The following ZDHHC24 variants were observed in gnomAD, a reference collection of about 807,000 sequenced individuals.
ZDHHC24 encodes zDHHC palmitoyltransferase 24.
ZDHHC24 carries 17 observed loss-of-function variants against 23.2 expected under a neutral mutation model. The observed-to-expected ratio is 0.73, with a 90% CI of 0.50 to 1.10. The LOEUF (loss-of-function observed/expected upper bound fraction) is 1.10, where lower values mean the gene tolerates loss of function less well. Ranked by LOEUF, ZDHHC24 falls within the 50% of genes least tolerant of loss-of-function variation. The probability of loss-of-function intolerance (pLI) is 0.00; values close to 1 mark genes in which losing one functional copy is unlikely to be tolerated. For synonymous variants in ZDHHC24, 186 were observed against 194.5 expected (o/e 0.96, Z 0.36); for missense variants, 366 against 393.0 (o/e 0.93, Z 0.58).
chr11:66,525,116 C>T (rs552206053), intron 4 of ZDHHC24, among the ~76,000 whole-genome samples: 69 of 151,288 alleles, frequency 4.6e-4, no homozygotes, highest in Non-Finnish European at 7.4e-4. Context: ...AGGAGAATGG[C>T]GTGAACCTGG....
chr11:66,522,678 A>T (rs1451695745), intron 4 of ZDHHC24, among the ~76,000 whole-genome samples: 1 of 152,156 alleles, frequency 6.6e-6, no homozygotes, highest in Non-Finnish European at 1.5e-5. Context: ...ATAAATATTT[A>T]TTGAGCACCT....
exon 5 of ZDHHC24, chr11:66,521,191 C>T: frequency 9.6e-7 from 1 of 1,038,522 alleles, no homozygotes; most frequent in Non-Finnish European, 1.5e-6. Context: ...ACCAGGCACT[C>T]ACTCAGAGGA....
intron 4 of ZDHHC24, chr11:66,521,532 A>G (rs1473474924): frequency 1.4e-6 from 1 of 698,990 alleles, no homozygotes; most frequent in Non-Finnish European, 2.6e-6. Flanking sequence ...AACACAGGGG[A>G]GGATACCTGG....
downstream of ZDHHC24, chr11:66,521,019 G>A (rs754762086): frequency 1.7e-5 from 9 of 516,748 alleles, no homozygotes; most frequent in Non-Finnish European, 3.2e-5. Context: ...ACACCCAGCT[G>A]CACGGTTGTT....
chr11:66,533,122 AC>A (rs1192491178), downstream of ZDHHC24: 1 of 152,246 alleles, frequency 6.6e-6, no homozygotes, highest in Non-Finnish European at 1.5e-5. Flanking sequence ...AAATACATGA[AC>A]CGTGCCATGA....
rs867676232 is a variant in ZDHHC24 at position 66,523,415 on chromosome 11, G to A, written c.*22-1949C>T. ...GGAGGGTCAGCCATAGAAGTGGAGA[G>A]GATTTCTCTGGGGCCAGACAGTGTG... On this transcript the variant is annotated intron_variant, in intron 4 of 4. Coordinates refer to the ZDHHC24 transcript ENST00000526986. The A allele has an allele frequency of 8.1e-6, 13 of 1,613,970 alleles. No homozygotes were observed. In the South Asian group the frequency reaches 1.3e-4, roughly 16 times the overall value.
In ZDHHC24 at chr11:66,537,069, A is replaced by G. The variant is rs1856991623; in HGVS notation, c.*2460T>C. On this transcript the variant is annotated 3_prime_UTR_variant, in exon 3 of 3. Transcript: ENST00000310442. Reference sequence around the variant, plus strand: ...CCAAGCAGCTCAGATCTTTGTGGGCATGGGCAGAGCCTGTCAGAGGGTGGG... The same window carrying G: ...CCAAGCAGCTCAGATCTTTGTGGGCGTGGGCAGAGCCTGTCAGAGGGTGGG... The G allele has an allele frequency of 6.6e-6, 1 of 151,846 alleles. No individual in the cohort carries two copies. Among genetic ancestry groups the G allele is most frequent in the South Asian group, 2.1e-4 (1 of 4,802 alleles). 9.4% of individuals were successfully genotyped at this position (151,846 alleles called of 1,614,324 possible). A position where few individuals can be genotyped will look rare whatever the true frequency, so the allele number is the denominator to read the frequency against.
At chr11:66,540,081 A>G in intron 2 of ZDHHC24, among the ~76,000 whole-genome samples, 1 of 152,180 alleles carries the variant, frequency 6.6e-6, no homozygotes, top group East Asian at 1.9e-4. Flanking sequence ...GGTGCCAGGC[A>G]CTAGAGGGTG....
intron 3 of ZDHHC24, chr11:66,527,161 C>A: frequency 1.5e-6 from 1 of 686,892 alleles, no homozygotes. Flanking sequence ...CAGCATGAGC[C>A]CAGGAGTTCA....
At chr11:66,544,808 C>T (rs1857262081) in intron 1 of ZDHHC24, among the ~76,000 whole-genome samples, 1 of 151,810 alleles carries the variant, frequency 6.6e-6, no homozygotes, top group South Asian at 2.1e-4. Context: ...ACACTACAGC[C>T]TCAGTCTCAG....
At chr11:66,523,744 G>A (rs772509403) in intron 4 of ZDHHC24, 1 of 1,612,042 alleles carries the variant, frequency 6.2e-7, no homozygotes, top group Non-Finnish European at 8.5e-7. Flanking sequence ...TGTGGACAGT[G>A]CAGATGCCCG....
At chr11:66,544,622 C>T (rs1358334948) in intron 1 of ZDHHC24, among the ~76,000 whole-genome samples, 2 of 152,136 alleles carry the variant, frequency 1.3e-5, no homozygotes, top group Admixed American at 6.6e-5. Context: ...CATGGCTAAC[C>T]GCCCCCCACG....
intron 3 of ZDHHC24, among the ~76,000 whole-genome samples, chr11:66,527,864 A>C (rs1215902624): frequency 6.6e-6 from 1 of 152,074 alleles, no homozygotes; most frequent in Non-Finnish European, 1.5e-5. Flanking sequence ...CTTCACCCTA[A>C]AAGATGATAG....
chr11:66,529,364 G>T, exon 3 of ZDHHC24: 1 of 1,491,088 alleles, frequency 6.7e-7, no homozygotes, highest in Non-Finnish European at 9.0e-7. Context: ...GGACCTCCCT[G>T]TGGAGATGAG....
chr11:66,530,796 G>A, downstream of ZDHHC24: 1 of 1,522,744 alleles, frequency 6.6e-7, no homozygotes, highest in Non-Finnish European at 9.1e-7. Context: ...TAGGAGGAGG[G>A]GACATGAGGG....
chr11:66,530,398 C>A (rs529144480), intron 2 of ZDHHC24, among the ~76,000 whole-genome samples: 23 of 152,212 alleles, frequency 1.5e-4, no homozygotes, highest in African/African-American at 7.2e-5. Context: ...AAAGGAGGAA[C>A]CCCGCAAGGC....
chr11:66,535,740 T>G lies in ZDHHC24; in HGVS notation c.*3789A>C, dbSNP rs1856946230. On this transcript the variant is annotated 3_prime_UTR_variant, in exon 3 of 3. Transcript: ENST00000310442. ...TGCTGATTTTATCCAGACTGATCTA[T>G]AGATTCAGCTGGGTTCCATTCTACA... Among the ~76,000 whole-genome samples the G allele has an allele frequency of 6.6e-6, 1 of 152,198 alleles. No homozygotes were observed. The highest frequency in any genetic ancestry group is 1.5e-5 in the Non-Finnish European group (1 of 68,042).
chr11:66,530,971 G>C (rs767601210), downstream of ZDHHC24: 1 of 1,614,244 alleles, frequency 6.2e-7, no homozygotes, highest in Non-Finnish European at 8.5e-7. Context: ...TCCTGGGGCT[G>C]CTGGTCTGCT....
At chr11:66,522,083 GGT>G (rs1226883571) in intron 4 of ZDHHC24, among the ~76,000 whole-genome samples, 3 of 150,884 alleles carry the variant, frequency 2.0e-5, no homozygotes, top group Admixed American at 6.6e-5. Context: ...TGGGCATGGT[GGT>G]GGGCGCCTGT....
Sources: gnomAD v4.1 joint callset for allele counts (sites outside exome capture counted in the v4.1 genomes callset) on GRCh38, gnomAD v4.1.1 for gene constraint, MANE v1.5 for transcripts, NCBI Gene and HGNC (gene_info 2026-07-23, HGNC 2026-07-21) for gene names.